The following PTPRD variants were observed in gnomAD, a reference collection of about 807,000 sequenced individuals.
The protein encoded by PTPRD is protein tyrosine phosphatase receptor type D.
PTPRD carries 34 observed loss-of-function variants against 214.5 expected under a neutral mutation model. The ratio of observed to expected loss-of-function variants is 0.16; its 90% CI spans 0.12 to 0.21. PTPRD has a LOEUF of 0.21. PTPRD is among the 10% of genes least tolerant of loss of function. PTPRD has a pLI of 1.00. For missense variants in PTPRD, 2,545 were observed against 2,398.7 expected (o/e 1.06, Z -1.27); for synonymous variants, 1,128 against 845.7 (o/e 1.33, Z -5.79).
At chr9:10,450,995 C>T (rs1588463121) in intron 2 of PTPRD, among the ~76,000 whole-genome samples, 1 of 151,944 alleles carries the variant, frequency 6.6e-6, no homozygotes, top group Non-Finnish European at 1.5e-5. Flanking sequence ...ATGTAACTCA[C>T]TAGAGGGTTT....
At chr9:9,620,205 G>A (rs1346400877) in intron 7 of PTPRD, among the ~76,000 whole-genome samples, 6 of 152,036 alleles carry the variant, frequency 3.9e-5, no homozygotes, top group African/African-American at 9.7e-5. Flanking sequence ...GAAGAGCACA[G>A]CCCTAATGTT....
intron 12 of PTPRD, among the ~76,000 whole-genome samples, chr9:8,661,263 C>G (rs1026116198): frequency 6.6e-6 from 1 of 152,060 alleles, no homozygotes; most frequent in African/African-American, 2.4e-5. Context: ...GAGAAATCGC[C>G]TCTTCATCAT....
At chr9:9,311,026 T>G (rs1164143268) in intron 9 of PTPRD, among the ~76,000 whole-genome samples, 2 of 151,538 alleles carry the variant, frequency 1.3e-5, no homozygotes, top group Non-Finnish European at 2.9e-5. Flanking sequence ...AGTGCATAAT[T>G]CAGCAACCTT....
At chr9:9,236,237 G>C (rs562183281) in intron 9 of PTPRD, among the ~76,000 whole-genome samples, 1 of 151,942 alleles carries the variant, frequency 6.6e-6, no homozygotes, top group Non-Finnish European at 1.5e-5. Flanking sequence ...TGGGCAACAA[G>C]AACAAAACCC....
At chr9:9,692,432 A>G (rs1281592258) in intron 7 of PTPRD, among the ~76,000 whole-genome samples, 6 of 151,894 alleles carry the variant, frequency 4.0e-5, no homozygotes, top group Admixed American at 3.9e-4. Flanking sequence ...AAATGAGCCC[A>G]CTGTAGGTGT....
chr9:8,395,440 C>T (rs747929858), intron 36 of PTPRD, among the ~76,000 whole-genome samples: 16 of 151,530 alleles, frequency 1.1e-4, no homozygotes, highest in Non-Finnish European at 2.2e-4. Context: ...CTAAAGGACA[C>T]AGGCCTTTCC....
At chr9:8,361,792 A>T (rs1246605347) in intron 39 of PTPRD, among the ~76,000 whole-genome samples, 1 of 150,310 alleles carries the variant, frequency 6.7e-6, no homozygotes, top group East Asian at 1.9e-4. Flanking sequence ...AAATGACCAA[A>T]CTAAAAAAAA....
intron 3 of PTPRD, among the ~76,000 whole-genome samples, chr9:10,144,305 C>T (rs1000904613): frequency 6.6e-6 from 1 of 151,892 alleles, no homozygotes; most frequent in African/African-American, 2.4e-5. Context: ...CATTTACTGC[C>T]CATAAAATAT....
intron 12 of PTPRD, among the ~76,000 whole-genome samples, chr9:8,652,847 T>C (rs2096840178): frequency 6.6e-6 from 1 of 152,220 alleles, no homozygotes. Flanking sequence ...CATGAGATTC[T>C]AGATGAATTT....
intron 5 of PTPRD, among the ~76,000 whole-genome samples, chr9:9,840,125 C>T (rs1425840607): frequency 6.6e-6 from 1 of 151,958 alleles, no homozygotes; most frequent in African/African-American, 2.4e-5. Flanking sequence ...GCAACTTCCA[C>T]CTCCCGGGTT....
intron 9 of PTPRD, among the ~76,000 whole-genome samples, chr9:9,391,189 T>A (rs187076892): frequency 9.9e-5 from 15 of 152,258 alleles, no homozygotes; most frequent in African/African-American, 3.6e-4. Flanking sequence ...TCATTTAAAA[T>A]AAGCCCCCAA....
chr9:10,516,345 A>G (rs375618278), intron 2 of PTPRD, among the ~76,000 whole-genome samples: 11 of 151,932 alleles, frequency 7.2e-5, no homozygotes, highest in African/African-American at 2.2e-4. Flanking sequence ...ACATTCTTAT[A>G]TATCTGTTAG....
At chr9:8,934,688 C>G (rs1489468642) in intron 11 of PTPRD, among the ~76,000 whole-genome samples, 2 of 149,716 alleles carry the variant, frequency 1.3e-5, no homozygotes, top group African/African-American at 4.9e-5. Flanking sequence ...ACTATAGTCG[C>G]CATGCTATAC....
intron 7 of PTPRD, among the ~76,000 whole-genome samples, chr9:9,696,255 A>G (rs1019038940): frequency 8.5e-5 from 13 of 152,178 alleles, no homozygotes; most frequent in African/African-American, 2.9e-4. Context: ...TCATACGTTT[A>G]TAAGAAAAAT....
intron 8 of PTPRD, among the ~76,000 whole-genome samples, chr9:9,471,904 C>A (rs1367719354): frequency 6.6e-6 from 1 of 152,104 alleles, no homozygotes. Flanking sequence ...TTGAGGATTA[C>A]ATTTTAATGA....
chr9:8,596,674 A>T (rs1405245412), intron 14 of PTPRD, among the ~76,000 whole-genome samples: 2 of 152,130 alleles, frequency 1.3e-5, no homozygotes, highest in East Asian at 3.8e-4. Flanking sequence ...TACAATATAT[A>T]CAATAGTACT....
intron 2 of PTPRD, among the ~76,000 whole-genome samples, chr9:10,498,147 G>C (rs1426827798): frequency 6.6e-6 from 1 of 151,732 alleles, no homozygotes; most frequent in African/African-American, 2.4e-5. Context: ...CTCCCTTTAG[G>C]ATACTGTTTG....
intron 3 of PTPRD, among the ~76,000 whole-genome samples, chr9:10,267,842 T>G (rs1369857835): frequency 6.6e-6 from 1 of 152,164 alleles, no homozygotes; most frequent in Non-Finnish European, 1.5e-5. Flanking sequence ...TTGGAATAGT[T>G]TCTATGCTCT....
intron 10 of PTPRD, among the ~76,000 whole-genome samples, chr9:9,065,064 G>A (rs1490751724): frequency 6.6e-6 from 1 of 152,116 alleles, no homozygotes; most frequent in East Asian, 1.9e-4. Flanking sequence ...CATGAAATAG[G>A]CATTCCCATA....
Sources: allele counts gnomAD v4.1 joint callset (sites outside exome capture counted in the v4.1 genomes callset), GRCh38; gene constraint gnomAD v4.1.1; transcripts MANE v1.5; gene names NCBI Gene and HGNC (gene_info 2026-07-23, HGNC 2026-07-21).